GALNT13: variants seen among roughly 807,000 people sequenced by gnomAD.
GALNT13 encodes the protein polypeptide N-acetylgalactosaminyltransferase 13, also known as UDP-GalNAc:polypeptide N-acetylgalactosaminyltransferase 13.
GALNT13 carries 28 observed loss-of-function variants against 64.2 expected under a neutral mutation model. The ratio of observed to expected loss-of-function variants is 0.44; its 90% CI spans 0.32 to 0.60. GALNT13 has a LOEUF of 0.60. GALNT13 is among the 20% of genes least tolerant of loss of function. GALNT13 has a pLI of 0.05. For missense variants in GALNT13, 577 were observed against 669.8 expected (o/e 0.86, Z 1.53); for synonymous variants, 214 against 224.6 (o/e 0.95, Z 0.42).
the GALNT13 span, among the ~76,000 whole-genome samples, chr2:153,662,552 TC>T: frequency 6.6e-6 from 1 of 152,178 alleles, no homozygotes; most frequent in Non-Finnish European, 1.5e-5. Flanking sequence ...TAGTGTAGTT[TC>T]TATAGGATGA....
chr2:153,510,060 G>T, the GALNT13 span, among the ~76,000 whole-genome samples: 3 of 152,280 alleles, frequency 2.0e-5, no homozygotes, highest in African/African-American at 4.8e-5. Flanking sequence ...ACCCTTTAGG[G>T]TCTCAGGAAA....
At chr2:153,212,352 T>G in the GALNT13 span, among the ~76,000 whole-genome samples, 1 of 152,210 alleles carries the variant, frequency 6.6e-6, no homozygotes, top group African/African-American at 2.4e-5. Context: ...TTACCAGTGT[T>G]GTCTAATTCT....
chr2:153,141,419 G>C, the GALNT13 span, among the ~76,000 whole-genome samples: 1 of 151,986 alleles, frequency 6.6e-6, no homozygotes. Flanking sequence ...AGCTTAGGTA[G>C]AGCTTCCACC....
the GALNT13 span, among the ~76,000 whole-genome samples, chr2:153,136,013 G>C: frequency 6.6e-6 from 1 of 152,004 alleles, no homozygotes; most frequent in Non-Finnish European, 1.5e-5. Flanking sequence ...TCTATACAGG[G>C]GGAGAGACAT....
chr2:153,312,406 G>A, the GALNT13 span, among the ~76,000 whole-genome samples: 2 of 152,154 alleles, frequency 1.3e-5, no homozygotes, highest in Admixed American at 1.3e-4. Context: ...TAATTTGGGA[G>A]TTTTTTGGCT....
intron 4 of GALNT13, among the ~76,000 whole-genome samples, chr2:154,235,015 G>A (rs1470913022): frequency 1.3e-5 from 2 of 152,064 alleles, no homozygotes; most frequent in African/African-American, 4.8e-5. Context: ...GAAATTCCTT[G>A]GCTTCCTGTT....
chr2:154,426,473 A>AGAAACCTTC (rs1559148466), intron 11 of GALNT13, among the ~76,000 whole-genome samples: 1 of 152,232 alleles, frequency 6.6e-6, no homozygotes, highest in Non-Finnish European at 1.5e-5. Flanking sequence ...ACCAGGGGAT[A>AGAAACCTTC]GAAACCTTCG....
the GALNT13 span, among the ~76,000 whole-genome samples, chr2:153,266,195 A>C: frequency 6.6e-6 from 1 of 152,226 alleles, no homozygotes; most frequent in Non-Finnish European, 1.5e-5. Context: ...AGTGAAATAC[A>C]TGGCTTTGAC....
chr2:153,591,906 T>C, the GALNT13 span, among the ~76,000 whole-genome samples: 1 of 151,972 alleles, frequency 6.6e-6, no homozygotes, highest in African/African-American at 2.4e-5. Context: ...CAGAATGAGA[T>C]AAAATATTTG....
chr2:153,178,030 AATGAC>A, the GALNT13 span, among the ~76,000 whole-genome samples: 1 of 152,188 alleles, frequency 6.6e-6, no homozygotes, highest in South Asian at 2.1e-4. Context: ...TATTGTCACA[AATGAC>A]AAGATTTCCT....
intron 4 of GALNT13, among the ~76,000 whole-genome samples, chr2:154,210,039 CCT>C (rs975556061): frequency 6.6e-6 from 1 of 152,104 alleles, no homozygotes; most frequent in Non-Finnish European, 1.5e-5. Context: ...CCACTGTTCT[CCT>C]CTCTGAGTTT....
intron 1 of GALNT13, among the ~76,000 whole-genome samples, chr2:153,884,792 T>TGG: frequency 1.2e-5 from 1 of 86,574 alleles, no homozygotes. Flanking sequence ...TATATGTGTG[T>TGG]GTATATATAT....
the GALNT13 span, among the ~76,000 whole-genome samples, chr2:153,264,273 A>G: frequency 6.9e-3 from 1,052 of 152,324 alleles, 9 homozygotes; most frequent in African/African-American, 0.024. Flanking sequence ...CGACTATTAA[A>G]AAGTCAAGAA....
chr2:153,592,764 A>G, the GALNT13 span: 5 of 152,214 alleles, frequency 3.3e-5, no homozygotes, highest in Non-Finnish European at 5.9e-5. Flanking sequence ...GAGTGCCCCA[A>G]CTGCAGAAGT....
chr2:154,142,101 T>C (rs1356476013), intron 4 of GALNT13, among the ~76,000 whole-genome samples: 1 of 152,198 alleles, frequency 6.6e-6, no homozygotes, highest in Non-Finnish European at 1.5e-5. Flanking sequence ...AATTGTTCTT[T>C]TAAGCACTTA....
the GALNT13 span, among the ~76,000 whole-genome samples, chr2:153,426,516 A>G: frequency 1.3e-5 from 2 of 151,972 alleles, no homozygotes; most frequent in African/African-American, 4.8e-5. Flanking sequence ...GTTCATCTTT[A>G]CGGTCTCAAG....
chr2:154,065,254 C>A (rs936347635), intron 3 of GALNT13, among the ~76,000 whole-genome samples: 1 of 152,154 alleles, frequency 6.6e-6, no homozygotes, highest in Non-Finnish European at 1.5e-5. Flanking sequence ...TGACTCCAGA[C>A]CCTGGTTTCT....
chr2:153,698,065 G>A, the GALNT13 span, among the ~76,000 whole-genome samples: 125 of 152,228 alleles, frequency 8.2e-4, no homozygotes, highest in African/African-American at 2.8e-3. Flanking sequence ...GTCACCACCA[G>A]GCCTGCCTTG....
chr2:153,181,064 T>G, the GALNT13 span, among the ~76,000 whole-genome samples: 3,224 of 90,818 alleles, frequency 0.035, 186 homozygotes, highest in African/African-American at 0.13. Context: ...TCATCAGGCT[T>G]ATCCTTTTTC....
Sources: gnomAD v4.1 joint callset for allele counts (sites outside exome capture counted in the v4.1 genomes callset) on GRCh38, gnomAD v4.1.1 for gene constraint, MANE v1.5 for transcripts, NCBI Gene and HGNC (gene_info 2026-07-23, HGNC 2026-07-21) for gene names.